The following CDH10 variants were observed in gnomAD, a reference collection of about 807,000 sequenced individuals.
CDH10 encodes cadherin-10.
In CDH10, 30 loss-of-function variants were observed where a neutral mutation model predicts 73.1. That is an observed-to-expected ratio of 0.41 (90% confidence interval 0.31 to 0.56). The LOEUF (loss-of-function observed/expected upper bound fraction) is 0.56, where lower values mean the gene tolerates loss of function less well. Among genes scored for constraint, CDH10 ranks in the 20% least tolerant of loss-of-function variants. CDH10 has a pLI of 0.27. For missense variants in CDH10, 815 were observed against 973.7 expected, an observed-to-expected ratio of 0.84 and a Z score of 2.17; for synonymous variants, 345 against 348.2, an observed-to-expected ratio of 0.99 and a Z score of 0.10.
chr5:24,583,216 A>AC (rs1745867148), intron 2 of CDH10, among the ~76,000 whole-genome samples: 1 of 151,618 alleles, frequency 6.6e-6, no homozygotes, highest in Non-Finnish European at 1.5e-5. Context: ...AAAAAAAAAA[A>AC]AAGCAGATTC....
chr5:24,631,931 CAAAT>C (rs1394433091), intron 1 of CDH10, among the ~76,000 whole-genome samples: 1 of 151,944 alleles, frequency 6.6e-6, no homozygotes, highest in African/African-American at 2.4e-5. Flanking sequence ...AATCATTTGT[CAAAT>C]AATTCTATTT....
chr5:24,548,913 G>C (rs754580383), intron 2 of CDH10, among the ~76,000 whole-genome samples: 1 of 151,950 alleles, frequency 6.6e-6, no homozygotes, highest in African/African-American at 2.4e-5. Context: ...AGCAAACAAG[G>C]CTGAAAAATA....
chr5:24,604,478 T>A (rs1040630799), intron 1 of CDH10, among the ~76,000 whole-genome samples: 1 of 152,170 alleles, frequency 6.6e-6, no homozygotes, highest in African/African-American at 2.4e-5. Context: ...TTTGAGATGA[T>A]ACCTAAATCA....
rs70965605 is a variant in CDH10, at chr5:24,504,506, CTT to C, written c.1393+604_1393+605del. Among the ~76,000 whole-genome samples, 66 of 65,158 alleles carry C rather than the reference CTT, an allele frequency of 1.0e-3. 19 individuals are homozygous for C. The highest frequency in any genetic ancestry group is 3.4e-3 in the South Asian group (6 of 1,762). The allele number at this position is 65,158 out of a possible 152,430, so 42.7% of individuals were successfully genotyped here. A position where few individuals can be genotyped will look rare whatever the true frequency, so the allele number is the denominator to read the frequency against. ...TATTAAATGCTTTTCTCCTATTAAT[CTT>C]TTTTTTTTTTTTTTTTTTTTTTTTT... On this transcript the variant is annotated intron_variant, in intron 8 of 11. Coordinates refer to ENST00000264463, the MANE Select transcript of CDH10 (RefSeq NM_006727.5).
At chr5:24,502,749 A>G (rs1742544182) in intron 8 of CDH10, among the ~76,000 whole-genome samples, 1 of 152,202 alleles carries the variant, frequency 6.6e-6, no homozygotes, top group African/African-American at 2.4e-5. Flanking sequence ...CTTGTTCACT[A>G]GGCTTGAATA....
chr5:24,596,928 C>T (rs1300531614), intron 1 of CDH10, among the ~76,000 whole-genome samples: 2 of 151,800 alleles, frequency 1.3e-5, no homozygotes, highest in African/African-American at 4.8e-5. Context: ...AGCTGTTGTG[C>T]TTGCTTGAAA....
intron 5 of CDH10, among the ~76,000 whole-genome samples, chr5:24,513,257 G>A (rs149091776): frequency 0.015 from 2,354 of 152,000 alleles, 170 homozygotes; most frequent in Admixed American, 0.12. Context: ...GACCTCCGGC[G>A]ATCCTCTCAC....
Position 24,520,226 on chromosome 5 carries a change from G to A in CDH10, c.815-8712C>T, listed in dbSNP as rs773586268. ...TGAAAAAAAGGAAGTAAACCAAAGT[G>A]TCAAACAGCATGAGAACAGATGAAT... On this transcript the variant is annotated intron_variant, in intron 5 of 11. Coordinates refer to ENST00000264463, the MANE Select transcript of CDH10 (RefSeq NM_006727.5). Among the ~76,000 whole-genome samples, 14 of 152,254 alleles carry A rather than the reference G, an allele frequency of 9.2e-5. No individual in the cohort carries two copies. The East Asian group carries it at 2.7e-3, about 29-fold the overall frequency.
At chr5:24,623,482 C>T (rs1747387139) in intron 1 of CDH10, among the ~76,000 whole-genome samples, 2 of 152,114 alleles carry the variant, frequency 1.3e-5, no homozygotes. Flanking sequence ...TCTTTCAAAT[C>T]AGAAATAATT....
intron 7 of CDH10, among the ~76,000 whole-genome samples, chr5:24,505,618 G>T (rs533510497): frequency 1.3e-5 from 2 of 152,252 alleles, no homozygotes; most frequent in East Asian, 3.9e-4. Context: ...ATAATACAAA[G>T]ATTTATTGCA....
chr5:24,619,129 T>A (rs1196470938), intron 1 of CDH10, among the ~76,000 whole-genome samples: 2 of 152,146 alleles, frequency 1.3e-5, no homozygotes, highest in Non-Finnish European at 2.9e-5. Flanking sequence ...CACAGATGCA[T>A]AATTGCAGAG....
At chr5:24,620,106 A>T (rs887417213) in intron 1 of CDH10, among the ~76,000 whole-genome samples, 2 of 152,172 alleles carry the variant, frequency 1.3e-5, no homozygotes, top group African/African-American at 4.8e-5. Flanking sequence ...ACCTTAAATT[A>T]TCTCTTTTTT....
At chr5:24,610,858 G>C (rs1176254055) in intron 1 of CDH10, among the ~76,000 whole-genome samples, 1 of 152,174 alleles carries the variant, frequency 6.6e-6, no homozygotes, top group Admixed American at 6.6e-5. Flanking sequence ...TCCTAAGACT[G>C]TAACAATTGC....
intron 2 of CDH10, among the ~76,000 whole-genome samples, chr5:24,542,038 C>A (rs1393941821): frequency 6.6e-6 from 1 of 151,990 alleles, no homozygotes. Context: ...AAAATTTAAA[C>A]AAATTTTTCA....
intron 8 of CDH10, among the ~76,000 whole-genome samples, chr5:24,500,063 C>T (rs961307419): frequency 2.0e-5 from 3 of 152,192 alleles, no homozygotes; most frequent in Non-Finnish European, 4.4e-5. Context: ...TCTCAACCAA[C>T]ATGGGCTGTG....
chr5:24,583,908 G>A (rs1745885745), intron 2 of CDH10, among the ~76,000 whole-genome samples: 1 of 152,148 alleles, frequency 6.6e-6, no homozygotes, highest in Non-Finnish European at 1.5e-5. Flanking sequence ...CCCCCAAAGT[G>A]CTGGGATTAC....
At chr5:24,558,142 T>C (rs1296055199) in intron 2 of CDH10, among the ~76,000 whole-genome samples, 4 of 151,908 alleles carry the variant, frequency 2.6e-5, no homozygotes, top group East Asian at 3.9e-4. Flanking sequence ...CACTTAAGTG[T>C]TGGAAGTCTT....
chr5:24,562,475 T>C (rs2111991774), intron 2 of CDH10, among the ~76,000 whole-genome samples: 1 of 152,262 alleles, frequency 6.6e-6, no homozygotes, highest in African/African-American at 2.4e-5. Context: ...ATGATTTTCC[T>C]ATAATCATAC....
chr5:24,598,778 T>C (rs1219445961), intron 1 of CDH10, among the ~76,000 whole-genome samples: 3 of 152,164 alleles, frequency 2.0e-5, no homozygotes, highest in Non-Finnish European at 2.9e-5. Context: ...AATTATCTCC[T>C]TCAAGCAAAA....
Sources: gnomAD v4.1 joint callset for allele counts (sites outside exome capture counted in the v4.1 genomes callset) on GRCh38, gnomAD v4.1.1 for gene constraint, MANE v1.5 for transcripts, NCBI Gene and HGNC (gene_info 2026-07-23, HGNC 2026-07-21) for gene names.